SDK1: variants seen among roughly 807,000 people sequenced by gnomAD.
The protein encoded by SDK1 is protein sidekick-1.
Under a neutral mutation model 245.5 loss-of-function variants are expected in SDK1, and 157 were observed. The ratio of observed to expected loss-of-function variants is 0.64; its 90% CI spans 0.56 to 0.73. SDK1 has a LOEUF of 0.73. Among genes scored for constraint, SDK1 ranks in the 30% least tolerant of loss-of-function variants. SDK1 has a pLI of 0.00. For missense variants in SDK1, 3,583 were observed against 3,002.3 expected (o/e 1.19, Z -4.52); for synonymous variants, 1,647 against 1,278.5 (o/e 1.29, Z -6.15).
In SDK1 at chr7:4,141,735, T is replaced by G. The variant is rs148820277; in HGVS notation, c.4229-3987T>G. ...AGCATCTTCCACACAGGGCTTTCTC[T>G]TTCTCTTTTAGGGATAGGCATGTTT... On this transcript the variant is annotated intron_variant, in intron 28 of 44. Transcript: ENST00000404826. Among the ~76,000 whole-genome samples, 492 of 152,306 alleles carry G rather than the reference T, an allele frequency of 3.2e-3. 4 individuals carry two copies. The highest frequency in any genetic ancestry group is 0.011 in the African/African-American group (466 of 41,566).
At position 4,175,128 on chromosome 7, in the gene SDK1, G is replaced by A. The variant is rs115507123; in HGVS notation, c.4937-647G>A. On this transcript the variant is annotated intron_variant, in intron 33 of 44. Coordinates refer to ENST00000404826, the MANE Select transcript of SDK1 (RefSeq NM_152744.4). ...GGGGCCTTCCACGCACCCAGTGCGC[G>A]GACGGCAGCAGCTCCTATGCTCCTA... Among the ~76,000 whole-genome samples the A allele has an allele frequency of 6.1e-3, 925 of 152,304 alleles. 9 individuals carry two copies. The highest frequency in any genetic ancestry group is 0.021 in the African/African-American group (890 of 41,566).
chr7:4,003,863 A>G (rs1256798433), intron 14 of SDK1, among the ~76,000 whole-genome samples: 1 of 152,240 alleles, frequency 6.6e-6, no homozygotes, highest in Admixed American at 6.5e-5. Context: ...AAGCCTCCCC[A>G]CTTAGCTCCA....
At chr7:3,869,395 A>T (rs1263206001) in intron 5 of SDK1, among the ~76,000 whole-genome samples, 1 of 152,046 alleles carries the variant, frequency 6.6e-6, no homozygotes, top group Non-Finnish European at 1.5e-5. Flanking sequence ...GCCTCAGGTG[A>T]TCTGCCTGCC....
intron 4 of SDK1, among the ~76,000 whole-genome samples, chr7:3,702,910 T>C (rs951453451): frequency 6.6e-6 from 1 of 151,992 alleles, no homozygotes; most frequent in African/African-American, 2.4e-5. Flanking sequence ...TTAGAACAGC[T>C]AAAATAAAAA....
At chr7:4,079,204 A>G (rs765301490) in intron 21 of SDK1, among the ~76,000 whole-genome samples, 10 of 152,228 alleles carry the variant, frequency 6.6e-5, no homozygotes, top group Admixed American at 1.3e-4. Flanking sequence ...GTGTGCCTGC[A>G]GAGTTTCTCA....
chr7:3,747,015 G>A (rs762540658), intron 4 of SDK1, among the ~76,000 whole-genome samples: 7 of 152,196 alleles, frequency 4.6e-5, no homozygotes, highest in East Asian at 1.9e-4. Context: ...ATAGTAAGAC[G>A]TGAAAGTCAA....
At chr7:3,714,841 G>A (rs1003308441) in intron 4 of SDK1, among the ~76,000 whole-genome samples, 1 of 152,316 alleles carries the variant, frequency 6.6e-6, no homozygotes, top group African/African-American at 2.4e-5. Flanking sequence ...CAAGCTTGGA[G>A]AGGTTCTAAT....
At chr7:3,513,960 A>C (rs1419364110) in intron 1 of SDK1, among the ~76,000 whole-genome samples, 1 of 152,172 alleles carries the variant, frequency 6.6e-6, no homozygotes, top group Admixed American at 6.5e-5. Context: ...AAAAGACAAG[A>C]TTTTATTCTC....
chr7:3,851,469 G>A (rs964734061), intron 5 of SDK1, among the ~76,000 whole-genome samples: 4 of 152,120 alleles, frequency 2.6e-5, no homozygotes, highest in Admixed American at 6.5e-5. Context: ...TTTGCATTGC[G>A]TGTTTATGTT....
At position 3,670,611 on chromosome 7, in the gene SDK1, C is replaced by T. The variant is rs552062169; in HGVS notation, c.713+28506C>T. Among the ~76,000 whole-genome samples, 4 of 152,234 alleles carry T rather than the reference C, an allele frequency of 2.6e-5. 1 individual carries two copies. Among genetic ancestry groups the T allele is most frequent in the South Asian group, 4.1e-4 (2 of 4,820 alleles). On this transcript the variant is annotated intron_variant, in intron 4 of 44. Coordinates refer to ENST00000404826, the MANE Select transcript of SDK1 (RefSeq NM_152744.4). ...AGCACAGTGACTGACAGTTAATAAG[C>T]CCCCAGTAAATGTTAGATTATTTGC...
At chr7:3,693,935 C>G (rs1471808383) in intron 4 of SDK1, among the ~76,000 whole-genome samples, 1 of 152,182 alleles carries the variant, frequency 6.6e-6, no homozygotes, top group Non-Finnish European at 1.5e-5. Flanking sequence ...TGTCCATGCT[C>G]TGACACTCAG....
intron 1 of SDK1, among the ~76,000 whole-genome samples, chr7:3,437,482 G>A (rs1780062734): frequency 6.6e-6 from 1 of 152,092 alleles, no homozygotes; most frequent in Admixed American, 6.5e-5. Flanking sequence ...TCAAAATTAC[G>A]TGTGATCGGC....
chr7:3,946,366 C>T (rs1016502899), intron 5 of SDK1, among the ~76,000 whole-genome samples: 4 of 151,974 alleles, frequency 2.6e-5, no homozygotes, highest in African/African-American at 7.3e-5. Context: ...TTTTTGTAGA[C>T]ATGGGGTTTC....
At chr7:3,989,975 T>A (rs1784172163) in intron 14 of SDK1, among the ~76,000 whole-genome samples, 1 of 152,282 alleles carries the variant, frequency 6.6e-6, no homozygotes, top group Admixed American at 6.5e-5. Context: ...GCTGTCTGAC[T>A]CCAGAGCCGG....
At chr7:3,747,626 A>C (rs1227374495) in intron 4 of SDK1, among the ~76,000 whole-genome samples, 8 of 152,168 alleles carry the variant, frequency 5.3e-5, no homozygotes, top group African/African-American at 1.9e-4. Flanking sequence ...GGAAATAATC[A>C]CTAGTGTTGA....
chr7:3,560,675 A>G (rs1403734040), intron 1 of SDK1, among the ~76,000 whole-genome samples: 1 of 152,080 alleles, frequency 6.6e-6, no homozygotes, highest in Non-Finnish European at 1.5e-5. Context: ...CACCCTTCTC[A>G]GCACTCTCCA....
intron 1 of SDK1, among the ~76,000 whole-genome samples, chr7:3,410,931 GAAATA>G (rs1275077321): frequency 6.6e-6 from 1 of 152,058 alleles, no homozygotes; most frequent in Non-Finnish European, 1.5e-5. Flanking sequence ...TGCCTTTGTG[GAAATA>G]AACACCTCAA....
intron 13 of SDK1, among the ~76,000 whole-genome samples, chr7:3,980,216 A>C (rs1783289172): frequency 6.6e-6 from 1 of 152,050 alleles, no homozygotes; most frequent in African/African-American, 2.4e-5. Context: ...AATTTCACCA[A>C]TTGCTTTCTT....
intron 1 of SDK1, among the ~76,000 whole-genome samples, chr7:3,416,691 A>G (rs889978992): frequency 9.2e-5 from 14 of 152,156 alleles, no homozygotes; most frequent in Admixed American, 2.0e-4. Context: ...TGGAAGAAGA[A>G]CATAGGAAGC....
Sources: allele counts gnomAD v4.1 joint callset (sites outside exome capture counted in the v4.1 genomes callset), GRCh38; gene constraint gnomAD v4.1.1; transcripts MANE v1.5; gene names NCBI Gene and HGNC (gene_info 2026-07-23, HGNC 2026-07-21).